The following HSD17B4 variants were observed in gnomAD, a reference collection of about 807,000 sequenced individuals.
The protein encoded by HSD17B4 is peroxisomal multifunctional enzyme type 2.
A neutral mutation model predicts 101.0 loss-of-function variants in HSD17B4; 70 were observed. The ratio of observed to expected loss-of-function variants is 0.69; its 90% CI spans 0.57 to 0.85. The LOEUF is 0.85. Ranked by LOEUF, HSD17B4 falls within the 40% of genes least tolerant of loss-of-function variation. The pLI is 0.00. For synonymous variants in HSD17B4, 347 were observed against 297.1 expected (o/e 1.17, Z -1.73); for missense variants, 984 against 892.4 (o/e 1.10, Z -1.31).
At chr5:119,456,687 C>G (rs1304124367) in intron 2 of HSD17B4, 9 of 391,390 alleles carry the variant, frequency 2.3e-5, no homozygotes, top group Non-Finnish European at 4.3e-5. Flanking sequence ...TTCGAGCCTG[C>G]AGAGAACTAT....
At chr5:119,457,964 CAG>C (rs1260110796) in intron 2 of HSD17B4, among the ~76,000 whole-genome samples, 1 of 152,104 alleles carries the variant, frequency 6.6e-6, no homozygotes, top group Non-Finnish European at 1.5e-5. Flanking sequence ...AATTTTATAA[CAG>C]TGTGTTCCTG....
At chr5:119,516,023 T>A (rs918569459) in intron 17 of HSD17B4, among the ~76,000 whole-genome samples, 5 of 152,246 alleles carry the variant, frequency 3.3e-5, no homozygotes, top group South Asian at 2.1e-4. Context: ...AGTTAAAAAA[T>A]TTTTTTTGGT....
chr5:119,503,259 T>C (rs1751350444), intron 14 of HSD17B4, among the ~76,000 whole-genome samples: 1 of 152,082 alleles, frequency 6.6e-6, no homozygotes, highest in Non-Finnish European at 1.5e-5. Context: ...AAGATAGGTT[T>C]CTGCCGTTAG....
intron 21 of HSD17B4, among the ~76,000 whole-genome samples, chr5:119,530,520 T>C (rs1479755585): frequency 6.6e-6 from 1 of 151,424 alleles, no homozygotes; most frequent in East Asian, 1.9e-4. Context: ...ACCATATAAC[T>C]GACTGAAAAT....
chr5:119,474,491 G>C (rs1748385070), intron 4 of HSD17B4, 31 bp downstream of exon 4: 2 of 1,345,458 alleles, frequency 1.5e-6, no homozygotes, highest in African/African-American at 2.9e-5. Context: ...GGCTCTTGTG[G>C]AGCAACTTCT....
At chr5:119,527,073 T>C (rs1753666764) in intron 19 of HSD17B4, 60 bp from the exon 20 acceptor site, 1 of 991,662 alleles carries the variant, frequency 1.0e-6, no homozygotes. Context: ...AATTTTTTCC[T>C]CCTACAAGTA....
chr5:119,487,431 A>C (rs183478513), intron 8 of HSD17B4: 42 of 151,974 alleles, frequency 2.8e-4, no homozygotes, highest in African/African-American at 9.9e-4. Context: ...TTGATTTCAT[A>C]TAACTTTATA....
At chr5:119,453,584 G>T (rs577701443) in intron 1 of HSD17B4, among the ~76,000 whole-genome samples, 33 of 152,260 alleles carry the variant, frequency 2.2e-4, no homozygotes, top group African/African-American at 7.7e-4. Flanking sequence ...ACCTGGAAAG[G>T]CCCTAATGCA....
At chr5:119,454,349 A>G (rs1254052056) in intron 1 of HSD17B4, among the ~76,000 whole-genome samples, 2 of 150,946 alleles carry the variant, frequency 1.3e-5, no homozygotes, top group Non-Finnish European at 2.9e-5. Flanking sequence ...CTCTGTACCC[A>G]GGCTGGAGTG....
Position 119,515,136 on chromosome 5 carries a change from T to A in HSD17B4, c.1503+90T>A. 3.9e-6 allele frequency: 3 copies of A among 775,446 alleles called. No individual in the cohort carries two copies. The South Asian group carries it at 4.1e-5, about 11-fold the overall frequency. 48.0% of individuals were successfully genotyped at this position (775,446 alleles called of 1,614,324 possible). Reference sequence around the variant, plus strand: ...CTGATACCTTATAACATTATGCATCTAATGCATAATGAATAATATGTTATT... The same window carrying A: ...CTGATACCTTATAACATTATGCATCAAATGCATAATGAATAATATGTTATT... On this transcript the variant is annotated intron_variant, in intron 17 of 23. Transcript: ENST00000510025.
At chr5:119,457,068 T>C (rs1276914625) in intron 2 of HSD17B4, among the ~76,000 whole-genome samples, 1 of 152,206 alleles carries the variant, frequency 6.6e-6, no homozygotes, top group South Asian at 2.1e-4. Flanking sequence ...AGATACTGTA[T>C]TGAAGAATCC....
At chr5:119,480,871 G>T (rs1012280256) in intron 8 of HSD17B4, among the ~76,000 whole-genome samples, 2 of 152,162 alleles carry the variant, frequency 1.3e-5, no homozygotes, top group South Asian at 4.1e-4. Flanking sequence ...CTGAGAAAAA[G>T]AATTCAGCAA....
intron 17 of HSD17B4, among the ~76,000 whole-genome samples, chr5:119,520,156 T>G (rs1307547080): frequency 5.3e-5 from 8 of 151,774 alleles, no homozygotes; most frequent in Admixed American, 5.2e-4. Context: ...ACTACCTGTT[T>G]TTTTTTTTTT....
chr5:119,491,202 G>T (rs1034182848), intron 9 of HSD17B4, among the ~76,000 whole-genome samples: 6 of 152,030 alleles, frequency 3.9e-5, no homozygotes, highest in African/African-American at 1.2e-4. Flanking sequence ...TAGTTATTTT[G>T]CCTGTTATCA....
chr5:119,509,051 C>T (rs1195274974), intron 15 of HSD17B4, 90 bp from the exon 16 acceptor site: 5 of 775,620 alleles, frequency 6.4e-6, no homozygotes, highest in Non-Finnish European at 1.1e-5. Context: ...GTTTTTGAAA[C>T]CTTGACAGGA....
intron 17 of HSD17B4, among the ~76,000 whole-genome samples, chr5:119,521,522 C>T (rs1010018027): frequency 1.3e-5 from 2 of 151,942 alleles, no homozygotes; most frequent in African/African-American, 2.4e-5. Flanking sequence ...TGAATCTTTT[C>T]ATGTCTTTCA....
intron 17 of HSD17B4, among the ~76,000 whole-genome samples, chr5:119,515,432 C>T (rs998347855): frequency 2.1e-4 from 32 of 152,090 alleles, no homozygotes; most frequent in Admixed American, 1.5e-3. Flanking sequence ...ATCCTTTCCT[C>T]TTTGGGAAAG....
intron 18 of HSD17B4, 34 bp downstream of exon 18, chr5:119,525,319 A>G (rs1176959288): frequency 7.9e-7 from 1 of 1,269,342 alleles, no homozygotes; most frequent in Admixed American, 1.7e-5. Flanking sequence ...AATGAAAAAT[A>G]TTAGCTATTC....
intron 18 of HSD17B4, 68 bp from the exon 19 acceptor site, chr5:119,525,849 A>G (rs917490940): frequency 4.4e-6 from 4 of 909,076 alleles, no homozygotes; most frequent in East Asian, 2.4e-5. Context: ...AAAGTCCTGA[A>G]TTAACTACAC....
Sources: gnomAD v4.1 joint callset for allele counts (sites outside exome capture counted in the v4.1 genomes callset) on GRCh38, gnomAD v4.1.1 for gene constraint, MANE v1.5 for transcripts, NCBI Gene and HGNC (gene_info 2026-07-23, HGNC 2026-07-21) for gene names.